The following RPL39L variants were observed in gnomAD, a reference collection of about 807,000 sequenced individuals.
RPL39L encodes ribosomal protein eL39-like 2.
For synonymous variants in RPL39L, 16 were observed against 20.1 expected (o/e 0.80, Z 0.55); for missense variants, 48 against 58.9 (o/e 0.81, Z 0.61).
At chr3:187,132,732 G>C (rs1444962805) in intron 1 of RPL39L, among the ~76,000 whole-genome samples, 1 of 152,136 alleles carries the variant, frequency 6.6e-6, no homozygotes, top group East Asian at 1.9e-4. Flanking sequence ...CCAACAACCA[G>C]AAGAACTACG....
At chr3:187,126,457 C>A (rs1318190543) in intron 2 of RPL39L, among the ~76,000 whole-genome samples, 1 of 152,152 alleles carries the variant, frequency 6.6e-6, no homozygotes, top group Non-Finnish European at 1.5e-5. Flanking sequence ...AGCCACCACG[C>A]CCGGCCCATC....
intron 2 of RPL39L, among the ~76,000 whole-genome samples, chr3:187,126,695 A>G (rs1720403373): frequency 6.6e-6 from 1 of 152,200 alleles, no homozygotes; most frequent in South Asian, 2.1e-4. Flanking sequence ...TAAGAGAAGC[A>G]AAGAATCAAG....
intron 2 of RPL39L, among the ~76,000 whole-genome samples, chr3:187,122,682 G>C (rs1720334207): frequency 6.6e-6 from 1 of 152,150 alleles, no homozygotes. Flanking sequence ...CAATACCTTT[G>C]ATTACACCTT....
intron 2 of RPL39L, among the ~76,000 whole-genome samples, chr3:187,125,793 T>C (rs1720386553): frequency 6.6e-6 from 1 of 152,004 alleles, no homozygotes; most frequent in African/African-American, 2.4e-5. Flanking sequence ...TGGCAATACT[T>C]GCTTCTTTTT....
rs111371451 is a variant in RPL39L at position 187,120,971 on chromosome 3, T to C, written c.*174A>G. ...CATTTTTGAAACAAAAGCTTTCACA[T>C]ATTTATTACTGAATCCACCCTACTA... On this transcript the variant is annotated 3_prime_UTR_variant, in exon 3 of 3. Transcript: ENST00000296277. 7.0e-4 allele frequency: 476 copies of C among 679,218 alleles called. 2 individuals carry two copies. The African/African-American group carries it at 7.5e-3, about 11-fold the overall frequency. 42.1% of individuals were successfully genotyped at this position (679,218 alleles called of 1,614,324 possible).
intron 2 of RPL39L, among the ~76,000 whole-genome samples, chr3:187,124,479 G>T (rs886654377): frequency 6.6e-6 from 1 of 152,086 alleles, no homozygotes; most frequent in Non-Finnish European, 1.5e-5. Context: ...AATCATACTT[G>T]GCCATTTAAC....
intron 1 of RPL39L, among the ~76,000 whole-genome samples, chr3:187,130,538 A>G (rs962614149): frequency 6.6e-6 from 1 of 152,096 alleles, no homozygotes; most frequent in African/African-American, 2.4e-5. Flanking sequence ...TGCTTTTGCC[A>G]TGTGACGTGC....
rs940208555 is a variant in RPL39L, at chr3:187,122,367, T to C, written c.-28-1039A>G. 2.8e-5 allele frequency among the ~76,000 whole-genome samples: 4 copies of C among 143,922 alleles called. No individual in the cohort carries two copies. In the Admixed American group the frequency reaches 2.9e-4, roughly 10 times the overall value. 94.4% of individuals were successfully genotyped at this position (143,922 alleles called of 152,430 possible). ...CAGTGTTGGAGATATACAAACAGTA[T>C]GGATCTGTCATGACAAAGGCATTTT... On this transcript the variant is annotated intron_variant, in intron 2 of 2. Coordinates refer to ENST00000296277, the MANE Select transcript of RPL39L (RefSeq NM_052969.3).
intron 2 of RPL39L, among the ~76,000 whole-genome samples, chr3:187,122,171 C>T (rs1720321603): frequency 6.6e-6 from 1 of 152,200 alleles, no homozygotes; most frequent in Non-Finnish European, 1.5e-5. Flanking sequence ...TTGCCATCTA[C>T]TGAATTGCAT....
chr3:187,122,481 C>T (rs1720330285), intron 2 of RPL39L, among the ~76,000 whole-genome samples: 1 of 152,070 alleles, frequency 6.6e-6, no homozygotes, highest in South Asian at 2.1e-4. Context: ...GTGTCTAACC[C>T]AGTCTCTTCA....
chr3:187,137,900 C>A (rs1720613615), intron 1 of RPL39L, among the ~76,000 whole-genome samples: 2 of 151,848 alleles, frequency 1.3e-5, no homozygotes, highest in Non-Finnish European at 2.9e-5. Flanking sequence ...TTTTTTCAGA[C>A]CAGCCACATT....
chr3:187,130,837 C>T (rs1720473470), intron 1 of RPL39L, among the ~76,000 whole-genome samples: 1 of 152,142 alleles, frequency 6.6e-6, no homozygotes, highest in South Asian at 2.1e-4. Context: ...ATTTTATATG[C>T]AGAGGTAGGG....
At chr3:187,123,312 C>T (rs1720344138) in intron 2 of RPL39L, among the ~76,000 whole-genome samples, 1 of 152,176 alleles carries the variant, frequency 6.6e-6, no homozygotes, top group Admixed American at 6.5e-5. Context: ...AACTAAGCCG[C>T]AAGTATCCTT....
intron 1 of RPL39L, among the ~76,000 whole-genome samples, chr3:187,130,831 T>C (rs1170622169): frequency 6.6e-6 from 1 of 152,224 alleles, no homozygotes; most frequent in Non-Finnish European, 1.5e-5. Context: ...TCAAGTATTT[T>C]ATATGCAGAG....
At chr3:187,125,528 A>C (rs78416207) in intron 2 of RPL39L, among the ~76,000 whole-genome samples, 4,857 of 152,008 alleles carry the variant, frequency 0.032, 246 homozygotes, top group African/African-American at 0.11. Context: ...AGACAAGAAG[A>C]AGCACCTGCT....
intron 1 of RPL39L, among the ~76,000 whole-genome samples, chr3:187,134,496 A>AAAAAAAAAAAAAAG (rs1362750015): frequency 6.6e-6 from 1 of 150,784 alleles, no homozygotes; most frequent in South Asian, 2.2e-4. Flanking sequence ...AAAAAAAAAA[A>AAAAAAAAAAAAAAG]AAAAAAGAAG....
At chr3:187,135,216 T>C (rs960481580) in intron 1 of RPL39L, among the ~76,000 whole-genome samples, 2 of 152,178 alleles carry the variant, frequency 1.3e-5, no homozygotes, top group Non-Finnish European at 2.9e-5. Context: ...ATACTGTGGC[T>C]CCTGAGGCAA....
At position 187,121,143 on chromosome 3, in the gene RPL39L, C is replaced by T; in HGVS notation, c.*2G>A. ...TATGTGTGCCATCTCATGTGCAATT[C>T]CTTATAGACCCAGCTTGGTTCTTCT... On this transcript the variant is annotated 3_prime_UTR_variant, in exon 3 of 3. Coordinates refer to ENST00000296277, the MANE Select transcript of RPL39L (RefSeq NM_052969.3). The T allele has an allele frequency of 6.2e-7, 1 of 1,613,300 alleles. No individual in the cohort carries two copies. Among genetic ancestry groups the T allele is most frequent in the Non-Finnish European group, 8.5e-7 (1 of 1,179,794 alleles).
intron 1 of RPL39L, among the ~76,000 whole-genome samples, chr3:187,132,428 G>A (rs566818321): frequency 1.3e-5 from 2 of 152,282 alleles, no homozygotes; most frequent in South Asian, 4.1e-4. Flanking sequence ...AGGTGTAGAA[G>A]GAATAGGTGC....
Sources: allele counts gnomAD v4.1 joint callset (sites outside exome capture counted in the v4.1 genomes callset), GRCh38; gene constraint gnomAD v4.1.1; transcripts MANE v1.5; gene names NCBI Gene and HGNC (gene_info 2026-07-23, HGNC 2026-07-21).